C22orf42: variants seen among roughly 807,000 people sequenced by gnomAD.
C22orf42 encodes the protein chromosome 22 open reading frame 42.
Under a neutral mutation model 31.4 loss-of-function variants are expected in C22orf42, and 24 were observed. The ratio of observed to expected loss-of-function variants is 0.77; its 90% confidence interval spans 0.55 to 1.08. The LOEUF (loss-of-function observed/expected upper bound fraction) is 1.08, where lower values mean the gene tolerates loss of function less well. Ranked by LOEUF, C22orf42 falls within the 50% of genes least tolerant of loss-of-function variation. The pLI is 0.00. For missense variants in C22orf42, 276 were observed against 327.3 expected (o/e 0.84, Z 1.21); for synonymous variants, 96 against 112.7 (o/e 0.85, Z 0.94).
intron 6 of C22orf42, 160 bp downstream of exon 6, chr22:32,150,832 G>T: frequency 1.4e-6 from 1 of 739,016 alleles, no homozygotes; most frequent in Admixed American, 2.6e-5. Flanking sequence ...TACTAGTGGG[G>T]TTTCTTTGAG....
chr22:32,155,195 C>A (rs1921197097), intron 1 of C22orf42, among the ~76,000 whole-genome samples: 1 of 152,154 alleles, frequency 6.6e-6, no homozygotes, highest in Non-Finnish European at 1.5e-5. Flanking sequence ...GCTCTTCTCA[C>A]AAGCTTTGTC....
At chr22:32,151,296 G>C (rs939832075) in intron 5 of C22orf42, among the ~76,000 whole-genome samples, 191 bp downstream of exon 5, 1 of 152,170 alleles carries the variant, frequency 6.6e-6, no homozygotes, top group African/African-American at 2.4e-5. Context: ...CAGTTTGTAA[G>C]TGATGCCGTC....
intron 2 of C22orf42, among the ~76,000 whole-genome samples, chr22:32,152,995 T>C (rs575758075): frequency 1.3e-5 from 2 of 152,350 alleles, no homozygotes; most frequent in Middle Eastern, 3.4e-3. Flanking sequence ...TGGATCTACA[T>C]ATCCTGCCAC....
intron 3 of C22orf42, among the ~76,000 whole-genome samples, chr22:32,152,335 T>C (rs1358492997): frequency 2.0e-5 from 3 of 152,198 alleles, no homozygotes; most frequent in Admixed American, 6.5e-5. Context: ...AAAAGGTTGC[T>C]ACTGAGAAAT....
rs2094108024 is a variant in C22orf42 at position 32,149,394 on chromosome 22, C to A, written c.*146G>T. ...GCTGCAAGAGGACTGGCTGCAGCCA[C>A]AAACTGCAGGTCACTGTTCACAGGT... On this transcript the variant is annotated 3_prime_UTR_variant, in exon 9 of 9. Transcript: ENST00000382097. The A allele has an allele frequency of 3.0e-6, 3 of 1,005,378 alleles. No individual in the cohort carries two copies. The highest frequency in any genetic ancestry group is 3.3e-5 in the African/African-American group (2 of 60,460). 62.3% of individuals were successfully genotyped at this position (1,005,378 alleles called of 1,614,324 possible). A position where few individuals can be genotyped will look rare whatever the true frequency, so the allele number is the denominator to read the frequency against.
At position 32,150,984 on chromosome 22, in the gene C22orf42, ATACG is replaced by A; in HGVS notation, c.493+4_493+7del. ...CGTAAATAAAGCTGTTTAAAAAAAA[ATACG>A]TACGGTGGTCGTGCTTGGCCTCAGA... On this transcript the variant is annotated splice_donor_5th_base_variant and intron_variant, in intron 6 of 8. Coordinates refer to ENST00000382097, the MANE Select transcript of C22orf42 (RefSeq NM_001010859.3). The A allele has an allele frequency of 6.2e-7, 1 of 1,610,790 alleles. No individual in the cohort carries two copies. Among genetic ancestry groups the A allele is most frequent in the Non-Finnish European group, 8.5e-7 (1 of 1,178,280 alleles).
chr22:32,159,392 C>G (rs1304030759), upstream of C22orf42: 13 of 1,427,918 alleles, frequency 9.1e-6, no homozygotes, highest in East Asian at 3.3e-4. Context: ...AGGCTAGTGG[C>G]TCACAATGGC....
chr22:32,159,288 C>A lies in C22orf42; in HGVS notation c.-73G>T. 1.3e-6 allele frequency: 2 copies of A among 1,564,788 alleles called. No individual in the cohort carries two copies. Among genetic ancestry groups the A allele is most frequent in the South Asian group, 2.3e-5 (2 of 85,832 alleles). On this transcript the variant is annotated 5_prime_UTR_variant, in exon 1 of 9. Coordinates refer to ENST00000382097, the MANE Select transcript of C22orf42 (RefSeq NM_001010859.3). ...GTAGTCGGAGCTCCTCCTCCTTCTA[C>A]GGCCAGCTACCGACTGAAGGCTGCT... is the stretch of plus-strand genomic sequence containing the variant.
At chr22:32,154,399 G>C in intron 1 of C22orf42, 81 bp from the exon 2 acceptor site, 1 of 1,483,930 alleles carries the variant, frequency 6.7e-7, no homozygotes, top group South Asian at 1.3e-5. Flanking sequence ...GCTGGCAGAG[G>C]ATAGCAGAGA....
chr22:32,151,274 C>T (rs983967694), intron 5 of C22orf42, among the ~76,000 whole-genome samples: 6 of 152,104 alleles, frequency 3.9e-5, no homozygotes, highest in Non-Finnish European at 7.4e-5. Context: ...GAGAAATACA[C>T]TCACTACCAA....
chr22:32,151,325 A>G (rs544755905), intron 5 of C22orf42, among the ~76,000 whole-genome samples, 162 bp downstream of exon 5: 2 of 152,330 alleles, frequency 1.3e-5, no homozygotes, highest in African/African-American at 4.8e-5. Context: ...GCCATCGTCA[A>G]TCAGGCCTCA....
intron 4 of C22orf42, 89 bp downstream of exon 4, chr22:32,151,978 A>G (rs1444175560): frequency 3.7e-6 from 5 of 1,335,162 alleles, no homozygotes; most frequent in East Asian, 4.7e-5. Context: ...TGAATATAGT[A>G]AAAACGCTGA....
At chr22:32,157,322 G>A (rs1921317207) in intron 1 of C22orf42, among the ~76,000 whole-genome samples, 1 of 152,032 alleles carries the variant, frequency 6.6e-6, no homozygotes, top group African/African-American at 2.4e-5. Flanking sequence ...TCTTCTTGGA[G>A]GATTAACAGT....
In C22orf42 at chr22:32,154,108, T is replaced by C. The variant is rs559343850; in HGVS notation, c.307+136A>G. 4,337 of 649,416 alleles carry C rather than the reference T, an allele frequency of 6.7e-3. 141 individuals carry two copies. In the African/African-American group the frequency reaches 0.071, roughly 11 times the overall value. The allele number at this position is 649,416 out of a possible 1,614,324, so 40.2% of individuals were successfully genotyped here. Reference sequence around the variant, plus strand: ...GTTGTATCATCTACCATTGATTTAATGCATTTAAATTGGCACAAATGAAAT... The same window carrying C: ...GTTGTATCATCTACCATTGATTTAACGCATTTAAATTGGCACAAATGAAAT... On this transcript the variant is annotated intron_variant, in intron 2 of 8. Transcript: ENST00000382097.
chr22:32,158,733 T>TGGGATGG lies in C22orf42; in HGVS notation c.232+250_232+251insCCATCCC, dbSNP rs773055830. 3.3e-3 allele frequency among the ~76,000 whole-genome samples: 506 copies of TGGGATGG among 152,186 alleles called. 1 individual carries two copies. Among genetic ancestry groups the TGGGATGG allele is most frequent in the Non-Finnish European group, 5.8e-3 (397 of 68,002 alleles). ...GAGAATGGGATGGGGACTCCAAAACTGGAGTATTTGAAATTTTACTGAGAA... is the reference window on the plus strand; with the variant it reads ...GAGAATGGGATGGGGACTCCAAAACTGGGATGGGGAGTATTTGAAATTTTACTGAGAA... On this transcript the variant is annotated intron_variant, in intron 1 of 8. Transcript: ENST00000382097.
At chr22:32,155,956 T>A (rs766334328) in intron 1 of C22orf42, among the ~76,000 whole-genome samples, 1 of 152,170 alleles carries the variant, frequency 6.6e-6, no homozygotes, top group Non-Finnish European at 1.5e-5. Context: ...GGATCGTTTG[T>A]GCCAAGGAGT....
upstream of C22orf42, chr22:32,160,417 A>G (rs1921530405): frequency 6.6e-6 from 1 of 152,246 alleles, no homozygotes; most frequent in Non-Finnish European, 1.5e-5. Flanking sequence ...ACCCTCAGTG[A>G]GTTCAGGCAG....
chr22:32,159,309 C>T (rs1388374608), upstream of C22orf42: 18 of 1,518,436 alleles, frequency 1.2e-5, no homozygotes, highest in Non-Finnish European at 1.5e-5. Flanking sequence ...CGACTGAAGG[C>T]TGCTGGCCCT....
At chr22:32,155,562 T>G (rs1263452349) in intron 1 of C22orf42, among the ~76,000 whole-genome samples, 1 of 151,512 alleles carries the variant, frequency 6.6e-6, no homozygotes, top group African/African-American at 2.4e-5. Context: ...ACAATCCTAA[T>G]TCTGGCTTCC....
Sources: allele counts gnomAD v4.1 joint callset (sites outside exome capture counted in the v4.1 genomes callset), GRCh38; gene constraint gnomAD v4.1.1; transcripts MANE v1.5; gene names NCBI Gene and HGNC (gene_info 2026-07-23, HGNC 2026-07-21).